Variants in EEF1E1 observed in about 807,000 individuals in gnomAD.
EEF1E1 encodes the protein eukaryotic translation elongation factor 1 epsilon-1.
Under a neutral mutation model 19.9 loss-of-function variants are expected in EEF1E1, and 19 were observed. The observed-to-expected ratio is 0.95, with a 90% CI of 0.66 to 1.40. The LOEUF is 1.40. Among genes scored for constraint, EEF1E1 ranks in the 40% most tolerant of loss-of-function variants. The pLI is 0.00. For missense variants in EEF1E1, 198 were observed against 202.2 expected (o/e 0.98, Z 0.13); for synonymous variants, 81 against 80.0 (o/e 1.01, Z -0.07).
intron 2 of EEF1E1, 101 bp downstream of exon 2, chr6:8,097,166 A>G: frequency 8.9e-7 from 1 of 1,120,714 alleles, no homozygotes; most frequent in Non-Finnish European, 1.3e-6. Context: ...GCAGAAGGAA[A>G]GAGGTGAAGA....
intron 3 of EEF1E1, among the ~76,000 whole-genome samples, chr6:8,084,234 T>G (rs1045804638): frequency 2.0e-5 from 3 of 152,224 alleles, no homozygotes; most frequent in Admixed American, 2.0e-4. Context: ...ATATTATTAA[T>G]GTAACCCTAA....
intron 2 of EEF1E1, among the ~76,000 whole-genome samples, chr6:8,092,882 T>G (rs113003459): frequency 2.1e-5 from 3 of 142,904 alleles, no homozygotes; most frequent in Non-Finnish European, 4.6e-5. Context: ...TTTTTTTTTT[T>G]TTTTTTTTTT....
chr6:8,078,704 T>G (rs1174689118), downstream of EEF1E1: 5 of 1,286,594 alleles, frequency 3.9e-6, no homozygotes, highest in African/African-American at 7.6e-5. Flanking sequence ...CCTGTTACAA[T>G]CCTCATTTTC....
Position 8,097,406 on chromosome 6 carries a change from T to A in EEF1E1, c.149A>T (p.His50Leu). Residue 50 changes from histidine to leucine, a missense_variant, in exon 2 of 4, where the codon CAT (histidine) becomes CTT (leucine). By Grantham distance (99) the His-to-Leu change is moderately conservative. Transcript: ENST00000379715. ...SLTGLTTIAA[H>L]LVKQANKEYL... The stretch of plus-strand genomic sequence containing the variant: ...TTCTTTGTTGGCTTGCTTGACTAGA[T>A]GAGCTGCTATAGTAGTCAATCCTGT... 2 of 1,611,726 alleles carry A rather than the reference T, an allele frequency of 1.2e-6. No homozygotes were observed. The highest frequency in any genetic ancestry group is 1.7e-6 in the Non-Finnish European group (2 of 1,177,892).
chr6:8,077,147 G>T (rs756779570), downstream of EEF1E1, among the ~76,000 whole-genome samples: 4 of 152,062 alleles, frequency 2.6e-5, no homozygotes, highest in Admixed American at 6.5e-5. Flanking sequence ...GTTTCACCGT[G>T]TTAGCCAGGA....
rs763683623 is a variant in EEF1E1 at position 8,088,844 on chromosome 6, G to A, written c.384+1342C>T. On this transcript the variant is annotated intron_variant, in intron 3 of 3. Coordinates refer to ENST00000379715, the MANE Select transcript of EEF1E1 (RefSeq NM_004280.5). ...ATGAACAGCCTCCATTTTTCTAGCC[G>A]AATAATGGAGGAAGGCTCGGTGATA... Among the ~76,000 whole-genome samples the A allele has an allele frequency of 3.3e-5, 5 of 152,038 alleles. No individual in the cohort carries two copies. The East Asian group carries it at 5.8e-4, about 18-fold the overall frequency.
intron 2 of EEF1E1, among the ~76,000 whole-genome samples, chr6:8,096,159 T>C (rs1758168351): frequency 6.6e-6 from 1 of 152,370 alleles, no homozygotes; most frequent in Non-Finnish European, 1.5e-5. Flanking sequence ...ATATAACTTT[T>C]GAATCTTATA....
At chr6:8,084,785 G>A (rs1232282413) in intron 3 of EEF1E1, among the ~76,000 whole-genome samples, 1 of 152,130 alleles carries the variant, frequency 6.6e-6, no homozygotes, top group East Asian at 1.9e-4. Flanking sequence ...AGCCCTGTTG[G>A]GTAGCCATGC....
intron 2 of EEF1E1, 54 bp from the exon 3 acceptor site, chr6:8,090,335 G>T: frequency 1.6e-6 from 2 of 1,243,690 alleles, no homozygotes; most frequent in Non-Finnish European, 2.1e-6. Flanking sequence ...TAATAATAAA[G>T]TTAATTATCA....
intron 1 of EEF1E1, among the ~76,000 whole-genome samples, chr6:8,098,999 T>C (rs1023626976): frequency 6.6e-6 from 1 of 152,228 alleles, no homozygotes; most frequent in African/African-American, 2.4e-5. Context: ...TTACAGATAA[T>C]AAAAACCAAG....
chr6:8,078,290 A>C (rs1041002348), downstream of EEF1E1, among the ~76,000 whole-genome samples: 2 of 152,148 alleles, frequency 1.3e-5, no homozygotes, highest in African/African-American at 4.8e-5. Flanking sequence ...TTGTGTCTCG[A>C]GGAAGAGGGA....
intron 1 of EEF1E1, among the ~76,000 whole-genome samples, chr6:8,099,749 AAAAC>A (rs1561646120): frequency 1.5e-5 from 1 of 68,656 alleles, no homozygotes; most frequent in Non-Finnish European, 2.9e-5. Context: ...CTCCGCCTCA[AAAAC>A]ACACACACAC....
At chr6:8,099,213 T>C (rs1758255672) in intron 1 of EEF1E1, among the ~76,000 whole-genome samples, 1 of 152,240 alleles carries the variant, frequency 6.6e-6, no homozygotes, top group African/African-American at 2.4e-5. Flanking sequence ...ATAATGATAT[T>C]CTGGTCAACG....
intron 1 of EEF1E1, among the ~76,000 whole-genome samples, chr6:8,098,356 G>A (rs1581475732): frequency 6.6e-6 from 1 of 152,230 alleles, no homozygotes; most frequent in East Asian, 1.9e-4. Flanking sequence ...TTGACCTCGT[G>A]ATCCACCCAC....
intron 3 of EEF1E1, among the ~76,000 whole-genome samples, chr6:8,084,084 T>A (rs556225559): frequency 3.4e-4 from 52 of 152,318 alleles, no homozygotes; most frequent in African/African-American, 1.2e-3. Flanking sequence ...AAAAGGATGG[T>A]CAACAGTGAT....
chr6:8,100,505 C>A (rs1283375236), intron 1 of EEF1E1, among the ~76,000 whole-genome samples: 1 of 152,130 alleles, frequency 6.6e-6, no homozygotes, highest in Non-Finnish European at 1.5e-5. Context: ...AGGACACAGC[C>A]CTTCTGCACA....
intron 3 of EEF1E1, among the ~76,000 whole-genome samples, chr6:8,089,435 C>T (rs1321446197): frequency 6.6e-6 from 1 of 152,136 alleles, no homozygotes; most frequent in Non-Finnish European, 1.5e-5. Flanking sequence ...GCAAGGAGAG[C>T]CAGTCCGAGT....
intron 1 of EEF1E1, among the ~76,000 whole-genome samples, chr6:8,099,782 A>T (rs1758282859): frequency 8.2e-6 from 1 of 121,596 alleles, no homozygotes; most frequent in East Asian, 2.1e-4. Flanking sequence ...ACACACACAC[A>T]CACACACACA....
chr6:8,099,057 T>C (rs1758251615), intron 1 of EEF1E1, among the ~76,000 whole-genome samples: 3 of 152,244 alleles, frequency 2.0e-5, no homozygotes, highest in Admixed American at 2.0e-4. Context: ...AAAGTCCTAT[T>C]GGCTTAAACG....
Sources: gnomAD v4.1 joint callset for allele counts (sites outside exome capture counted in the v4.1 genomes callset) on GRCh38, gnomAD v4.1.1 for gene constraint, MANE v1.5 for transcripts, NCBI Gene and HGNC (gene_info 2026-07-23, HGNC 2026-07-21) for gene names.